Variants in PNPT1 observed in about 807,000 individuals in gnomAD.
PNPT1 encodes polyribonucleotide nucleotidyltransferase 1, mitochondrial.
In PNPT1, 53 loss-of-function variants were observed where a neutral mutation model predicts 119.5. That is an observed-to-expected ratio of 0.44 (90% CI 0.36 to 0.56). The LOEUF is 0.56. Among genes scored for constraint, PNPT1 ranks in the 20% least tolerant of loss-of-function variants. The pLI is 0.00. For missense variants in PNPT1, 948 were observed against 938.5 expected (o/e 1.01, Z -0.13); for synonymous variants, 357 against 322.1 (o/e 1.11, Z -1.16).
intron 3 of PNPT1, among the ~76,000 whole-genome samples, chr2:55,685,350 C>T (rs913406705): frequency 6.6e-6 from 1 of 152,112 alleles, no homozygotes; most frequent in African/African-American, 2.4e-5. Context: ...CACAGAAAGA[C>T]CTTGTCTCTA....
intron 15 of PNPT1, among the ~76,000 whole-genome samples, chr2:55,658,164 T>C (rs968569126): frequency 2.6e-5 from 4 of 152,118 alleles, no homozygotes; most frequent in African/African-American, 4.8e-5. Context: ...GCCTGGGAGA[T>C]GGAGGTTGCA....
At chr2:55,693,299 C>G (rs1035603323) in intron 1 of PNPT1, among the ~76,000 whole-genome samples, 3 of 152,160 alleles carry the variant, frequency 2.0e-5, no homozygotes, top group South Asian at 2.1e-4. Context: ...CTTCCAGGGT[C>G]CGGGCCAGCA....
intron 26 of PNPT1, among the ~76,000 whole-genome samples, chr2:55,639,410 T>C (rs1158638007): frequency 1.3e-5 from 2 of 152,172 alleles, no homozygotes; most frequent in Non-Finnish European, 2.9e-5. Flanking sequence ...TCTAAAAAGT[T>C]TGTCCCAATT....
At chr2:55,661,911 T>C (rs752656948) in intron 14 of PNPT1, 45 bp downstream of exon 14, 9 of 1,462,114 alleles carry the variant, frequency 6.2e-6, no homozygotes, top group African/African-American at 1.5e-5. Context: ...AATTATATAA[T>C]AGAACATCAT....
chr2:55,674,945 A>C (rs962081170), intron 8 of PNPT1, among the ~76,000 whole-genome samples: 1 of 152,236 alleles, frequency 6.6e-6, no homozygotes, highest in Admixed American at 6.5e-5. Context: ...TATAAATTAT[A>C]TCTCAATAAA....
At chr2:55,650,950 G>GA (rs1412900917) in intron 18 of PNPT1, among the ~76,000 whole-genome samples, 5 of 146,314 alleles carry the variant, frequency 3.4e-5, no homozygotes, top group African/African-American at 1.0e-4. Flanking sequence ...GAGGTGGGGG[G>GA]ATCAGCCCCC....
At position 55,680,746 on chromosome 2, in the gene PNPT1, G is replaced by C; in HGVS notation, c.531C>G (p.Leu177=). Residue 177 remains leucine, a synonymous_variant, in exon 7 of 28, where the codon CTC becomes CTG. Coordinates refer to ENST00000447944, the MANE Select transcript of PNPT1 (RefSeq NM_033109.5). ...CATTCCAAGGAATATCTGATAATGA[G>C]AGGGCTACGGAAGCTTAAAAAAGGA... ...VLAINGASVA[L]SLSDIPWNGP... The C allele has an allele frequency of 1.2e-6, 2 of 1,613,404 alleles. No homozygotes were observed. The highest frequency in any genetic ancestry group is 1.7e-6 in the Non-Finnish European group (2 of 1,179,832).
intron 18 of PNPT1, among the ~76,000 whole-genome samples, chr2:55,650,270 CTGCCTGCGATTGCAGGCGCGCG>C (rs1696132655): frequency 6.6e-6 from 1 of 152,178 alleles, no homozygotes; most frequent in African/African-American, 2.4e-5. Flanking sequence ...AGCCTGCCGA[CTGCCTGCGATTGCAGGCGCGCG>C]CCGCCACGCC....
chr2:55,659,265 A>C (rs1163284867), intron 15 of PNPT1, among the ~76,000 whole-genome samples: 2 of 152,160 alleles, frequency 1.3e-5, no homozygotes, highest in Non-Finnish European at 2.9e-5. Context: ...CTCCATGTAC[A>C]TTCTTCAAAT....
At chr2:55,684,853 T>C (rs1697352510) in intron 4 of PNPT1, 90 bp downstream of exon 4, 1 of 1,351,664 alleles carries the variant, frequency 7.4e-7, no homozygotes, top group South Asian at 2.0e-5. Context: ...GAAGGAAAAC[T>C]TAAGACTTAT....
chr2:55,686,328 C>T (rs372320474), intron 3 of PNPT1, 42 bp downstream of exon 3: 1 of 1,539,726 alleles, frequency 6.5e-7, no homozygotes, highest in Non-Finnish European at 9.0e-7. Context: ...CTACACTTTA[C>T]TCAGACCATA....
At chr2:55,640,514 C>G in intron 26 of PNPT1, 113 bp downstream of exon 26, 5 of 906,740 alleles carry the variant, frequency 5.5e-6, no homozygotes, top group Non-Finnish European at 8.4e-6. Flanking sequence ...CACTTGTTTT[C>G]TCTGTTTAGG....
At chr2:55,648,657 T>C (rs1696079363) in intron 18 of PNPT1, among the ~76,000 whole-genome samples, 1 of 152,208 alleles carries the variant, frequency 6.6e-6, no homozygotes, top group Non-Finnish European at 1.5e-5. Context: ...AACACTTTTC[T>C]ACTTGGTTGG....
intron 13 of PNPT1, among the ~76,000 whole-genome samples, chr2:55,665,590 T>C (rs1427558339): frequency 6.6e-6 from 1 of 151,854 alleles, no homozygotes; most frequent in Admixed American, 6.6e-5. Flanking sequence ...GACAGAAAAT[T>C]CATAAAAGGG....
chr2:55,693,557 T>C, intron 1 of PNPT1, 106 bp downstream of exon 1: 1 of 1,487,606 alleles, frequency 6.7e-7, no homozygotes, highest in African/African-American at 1.4e-5. Context: ...TAAGGAGAGA[T>C]TAAATAGAGC....
chr2:55,638,548 C>G (rs201111623), intron 26 of PNPT1, among the ~76,000 whole-genome samples: 1 of 151,782 alleles, frequency 6.6e-6, no homozygotes, highest in Admixed American at 6.6e-5. Context: ...TCTCCAGAGG[C>G]TAAGGTGGGA....
At chr2:55,681,861 G>T (rs1697258792) in intron 5 of PNPT1, among the ~76,000 whole-genome samples, 1 of 144,196 alleles carries the variant, frequency 6.9e-6, no homozygotes, top group Non-Finnish European at 1.5e-5. Flanking sequence ...AAAAAAAAAG[G>T]CTGGGCGCGG....
At chr2:55,638,576 G>C (rs911647569) in intron 26 of PNPT1, among the ~76,000 whole-genome samples, 12 of 152,154 alleles carry the variant, frequency 7.9e-5, no homozygotes, top group Admixed American at 7.9e-4. Flanking sequence ...TTGAGCCTGG[G>C]AGGCTGAGGC....
intron 4 of PNPT1, among the ~76,000 whole-genome samples, chr2:55,684,724 G>T (rs996101774): frequency 3.9e-5 from 6 of 152,264 alleles, no homozygotes; most frequent in African/African-American, 1.4e-4. Context: ...TCTGTGCTAA[G>T]CAGTATAACA....
Sources: allele counts gnomAD v4.1 joint callset (sites outside exome capture counted in the v4.1 genomes callset), GRCh38; gene constraint gnomAD v4.1.1; transcripts MANE v1.5; gene names NCBI Gene and HGNC (gene_info 2026-07-23, HGNC 2026-07-21).